The following ZNF827 variants were observed in gnomAD, a reference collection of about 807,000 sequenced individuals.
ZNF827 encodes zinc finger protein 827.
In ZNF827, 13 loss-of-function variants were observed where a neutral mutation model predicts 102.4. The ratio of observed to expected loss-of-function variants is 0.13; its 90% CI spans 0.08 to 0.20. The LOEUF is 0.20. Ranked by LOEUF, ZNF827 falls within the 10% of genes least tolerant of loss-of-function variation. The pLI, the probability that ZNF827 is intolerant of heterozygous loss-of-function variation, is 1.00. For synonymous variants in ZNF827, 523 were observed against 536.2 expected (o/e 0.98, Z 0.34); for missense variants, 1,103 against 1,344.4 (o/e 0.82, Z 2.81).
At chr4:145,834,592 C>G (rs1744619161) in intron 7 of ZNF827, among the ~76,000 whole-genome samples, 1 of 152,130 alleles carries the variant, frequency 6.6e-6, no homozygotes, top group Non-Finnish European at 1.5e-5. Flanking sequence ...GTGGCTGGAG[C>G]TAAAGGCATA....
intron 1 of ZNF827, among the ~76,000 whole-genome samples, chr4:145,917,010 C>T (rs904284711): frequency 5.0e-5 from 5 of 99,704 alleles, no homozygotes; most frequent in African/African-American, 3.5e-4. Context: ...ACCAACATTC[C>T]GATCACAGCC....
intron 8 of ZNF827, among the ~76,000 whole-genome samples, chr4:145,782,734 C>T (rs1324798795): frequency 6.6e-6 from 1 of 152,214 alleles, no homozygotes; most frequent in Non-Finnish European, 1.5e-5. Flanking sequence ...CTTCTGGCTT[C>T]TGAGTCCTTC....
chr4:145,905,509 A>C (rs1751780396), intron 1 of ZNF827, among the ~76,000 whole-genome samples: 1 of 152,218 alleles, frequency 6.6e-6, no homozygotes, highest in Admixed American at 6.5e-5. Context: ...TCTGTTAAAA[A>C]CAGTCTGGTT....
intron 4 of ZNF827, among the ~76,000 whole-genome samples, chr4:145,880,159 C>T (rs749903591): frequency 3.3e-5 from 5 of 152,126 alleles, no homozygotes; most frequent in Non-Finnish European, 7.4e-5. Flanking sequence ...AGCTTGAACC[C>T]GGGAGGCGGA....
At chr4:145,918,720 C>T (rs1393705476) in intron 1 of ZNF827, among the ~76,000 whole-genome samples, 3 of 152,116 alleles carry the variant, frequency 2.0e-5, no homozygotes, top group Admixed American at 6.5e-5. Flanking sequence ...ACCCCCAGCT[C>T]TCACCCCAGC....
At chr4:145,822,390 C>T (rs956284385) in intron 8 of ZNF827, among the ~76,000 whole-genome samples, 17 of 152,030 alleles carry the variant, frequency 1.1e-4, no homozygotes, top group African/African-American at 3.1e-4. Flanking sequence ...CTGTGATACC[C>T]GAGGCCAATA....
chr4:145,932,330 T>C (rs1388204116), intron 1 of ZNF827, among the ~76,000 whole-genome samples: 1 of 152,220 alleles, frequency 6.6e-6, no homozygotes, highest in East Asian at 1.9e-4. Flanking sequence ...TTTTCTCTTT[T>C]GTGAAACTAA....
intron 8 of ZNF827, among the ~76,000 whole-genome samples, chr4:145,815,286 G>A (rs1031694619): frequency 4.6e-5 from 7 of 152,152 alleles, no homozygotes; most frequent in African/African-American, 1.7e-4. Flanking sequence ...GCAAACACTG[G>A]CCACACTTTT....
intron 1 of ZNF827, among the ~76,000 whole-genome samples, chr4:145,911,906 G>T (rs1752326726): frequency 6.6e-6 from 1 of 152,186 alleles, no homozygotes; most frequent in South Asian, 2.1e-4. Flanking sequence ...TATGATAGAT[G>T]TTTTCATATT....
At chr4:145,874,310 A>G (rs1748970451) in intron 4 of ZNF827, among the ~76,000 whole-genome samples, 1 of 152,254 alleles carries the variant, frequency 6.6e-6, no homozygotes, top group Non-Finnish European at 1.5e-5. Flanking sequence ...AGAGAATAAC[A>G]GAAAATTGTA....
chr4:145,910,340 C>G (rs62326185), intron 1 of ZNF827, among the ~76,000 whole-genome samples: 4,327 of 152,222 alleles, frequency 0.028, 99 homozygotes, highest in Middle Eastern at 0.065. Context: ...CTTCCATGGC[C>G]GAGGAACTGC....
chr4:145,917,286 A>G (rs1217421972), intron 1 of ZNF827, among the ~76,000 whole-genome samples: 1 of 152,190 alleles, frequency 6.6e-6, no homozygotes, highest in East Asian at 1.9e-4. Context: ...GCACGACCAG[A>G]TAATTTGTAA....
chr4:145,932,063 C>A (rs1434070337), intron 1 of ZNF827, among the ~76,000 whole-genome samples: 1 of 152,176 alleles, frequency 6.6e-6, no homozygotes, highest in African/African-American at 2.4e-5. Context: ...GCCCCTTCCA[C>A]TATATAAAGA....
chr4:145,904,902 G>C (rs1157529535), intron 1 of ZNF827, among the ~76,000 whole-genome samples: 1 of 152,194 alleles, frequency 6.6e-6, no homozygotes, highest in East Asian at 1.9e-4. Context: ...TCTGGCTGCT[G>C]TGTGGAAAAC....
intron 8 of ZNF827, among the ~76,000 whole-genome samples, chr4:145,806,788 T>C (rs944598991): frequency 6.6e-6 from 1 of 152,164 alleles, no homozygotes; most frequent in Admixed American, 6.6e-5. Flanking sequence ...TTTTATTAAT[T>C]ATACCTAAGT....
chr4:145,866,111 C>T (rs529506802), intron 5 of ZNF827, among the ~76,000 whole-genome samples: 24 of 152,264 alleles, frequency 1.6e-4, no homozygotes, highest in Non-Finnish European at 2.6e-4. Context: ...CCTCTGGCTG[C>T]GGTGGAAAAC....
At chr4:145,812,920 C>G (rs1172643571) in intron 8 of ZNF827, among the ~76,000 whole-genome samples, 1 of 152,184 alleles carries the variant, frequency 6.6e-6, no homozygotes, top group Non-Finnish European at 1.5e-5. Flanking sequence ...TACCCACGGT[C>G]AACTGCGGTG....
chr4:145,806,894 G>A (rs981943400), intron 8 of ZNF827, among the ~76,000 whole-genome samples: 1 of 152,106 alleles, frequency 6.6e-6, no homozygotes, highest in Non-Finnish European at 1.5e-5. Flanking sequence ...AGAAAATGGC[G>A]TGCAGTTCTT....
At chr4:145,894,749 G>A (rs568347210) in intron 2 of ZNF827, among the ~76,000 whole-genome samples, 79 of 152,268 alleles carry the variant, frequency 5.2e-4, no homozygotes, top group Non-Finnish European at 1.0e-3. Context: ...ACACCTTGTA[G>A]ACACATATAA....
Sources: gnomAD v4.1 joint callset for allele counts (sites outside exome capture counted in the v4.1 genomes callset) on GRCh38, gnomAD v4.1.1 for gene constraint, MANE v1.5 for transcripts, NCBI Gene and HGNC (gene_info 2026-07-23, HGNC 2026-07-21) for gene names.